Variants in DNAH5 observed in about 807,000 individuals in gnomAD.
The protein encoded by DNAH5 is axonemal beta dynein heavy chain 5.
DNAH5 carries 372 observed loss-of-function variants against 518.2 expected under a neutral mutation model. That is an observed-to-expected ratio of 0.72 (90% confidence interval 0.66 to 0.78). The LOEUF is 0.78. Among genes scored for constraint, DNAH5 ranks in the 30% least tolerant of loss-of-function variants. DNAH5 has a pLI of 0.00. For synonymous variants in DNAH5, 2,039 were observed against 2,025.9 expected, an observed-to-expected ratio of 1.01 and a Z score of -0.17; for missense variants, 5,523 against 5,687.0, an observed-to-expected ratio of 0.97 and a Z score of 0.93.
chr5:13,871,409 G>A (rs879562021), intron 23 of DNAH5, among the ~76,000 whole-genome samples, 155 bp downstream of exon 23: 10 of 151,908 alleles, frequency 6.6e-5, no homozygotes, highest in Non-Finnish European at 1.5e-4. Context: ...TTATGCAGAA[G>A]AAAATTTTTT....
intron 52 of DNAH5, among the ~76,000 whole-genome samples, chr5:13,783,014 T>G (rs148592214): frequency 9.1e-4 from 139 of 152,298 alleles, no homozygotes; most frequent in Middle Eastern, 3.4e-3. Context: ...TGGTGAGCAC[T>G]GGCACAGAGA....
chr5:13,736,347 T>A (rs1472987035), intron 66 of DNAH5, among the ~76,000 whole-genome samples: 1 of 152,094 alleles, frequency 6.6e-6, no homozygotes, highest in Admixed American at 6.6e-5. Flanking sequence ...AACAAGCCAT[T>A]GCAAAGATGA....
chr5:13,928,702 G>T (rs1475490520), intron 2 of DNAH5, among the ~76,000 whole-genome samples: 1 of 152,188 alleles, frequency 6.6e-6, no homozygotes, highest in East Asian at 1.9e-4. Context: ...AAGTCTACAA[G>T]TCTAACAAAT....
At chr5:13,985,424 T>C (rs1343699076) in intron 1 of DNAH5, among the ~76,000 whole-genome samples, 1 of 97,056 alleles carries the variant, frequency 1.0e-5, no homozygotes, top group Admixed American at 1.5e-4. Context: ...ACTTAAAGTA[T>C]AATAAAATAT....
chr5:13,995,198 C>T (rs1783851665), intron 1 of DNAH5, among the ~76,000 whole-genome samples: 1 of 152,126 alleles, frequency 6.6e-6, no homozygotes, highest in East Asian at 1.9e-4. Context: ...AGAACTAATG[C>T]CCTATTTTCA....
chr5:13,808,495 AG>A (rs1213513264), intron 46 of DNAH5, among the ~76,000 whole-genome samples: 1 of 152,226 alleles, frequency 6.6e-6, no homozygotes, highest in African/African-American at 2.4e-5. Flanking sequence ...TTTGGGGAAA[AG>A]CAAGTCAAAA....
At chr5:13,716,941 T>TACAA in intron 73 of DNAH5, among the ~76,000 whole-genome samples, 2 of 152,256 alleles carry the variant, frequency 1.3e-5, no homozygotes, top group East Asian at 3.9e-4. Flanking sequence ...AAATAGAAAA[T>TACAA]AGTGTTTGCT....
chr5:13,738,698 G>T (rs1052290484), intron 65 of DNAH5, among the ~76,000 whole-genome samples: 6 of 152,104 alleles, frequency 3.9e-5, no homozygotes, highest in African/African-American at 7.2e-5. Context: ...GTGACACCAA[G>T]CAAGCCACAG....
At chr5:13,732,056 G>C (rs1256495507) in intron 68 of DNAH5, among the ~76,000 whole-genome samples, 1 of 150,398 alleles carries the variant, frequency 6.6e-6, no homozygotes, top group Admixed American at 6.7e-5. Flanking sequence ...GGAGTTTGAG[G>C]TTACAGTGAG....
In DNAH5 at chr5:13,900,190, A is replaced by C. The variant is rs771409016; in HGVS notation, c.2259+16T>G. 3.1e-6 allele frequency: 5 copies of C among 1,603,360 alleles called. No homozygotes were observed. Among genetic ancestry groups the C allele is most frequent in the Non-Finnish European group, 4.3e-6 (5 of 1,170,350 alleles). On this transcript the variant is annotated intron_variant, in intron 15 of 78. Transcript: ENST00000265104. Reference sequence around the variant, plus strand: ...GAGCTAGCCAAGAATGGGGGGAAAAAATAAAAGTAGTATACCTTCATGTTA... The same window carrying C: ...GAGCTAGCCAAGAATGGGGGGAAAACATAAAAGTAGTATACCTTCATGTTA...
In DNAH5 at chr5:13,834,848, C is replaced by T. The variant is rs144458518; in HGVS notation, c.5883-4073G>A. On this transcript the variant is annotated intron_variant, in intron 35 of 78. Coordinates refer to ENST00000265104, the MANE Select transcript of DNAH5 (RefSeq NM_001369.3). ...CAGGCCTCACAGGCCCACGTGAGGACGTTGGCTTTTACTTTGCATGAGAAG... is the reference window on the plus strand; with the variant it reads ...CAGGCCTCACAGGCCCACGTGAGGATGTTGGCTTTTACTTTGCATGAGAAG... Among the ~76,000 whole-genome samples the T allele has an allele frequency of 4.6e-3, 698 of 152,284 alleles. 8 individuals are homozygous for T. The highest frequency in any genetic ancestry group is 0.024 in the Admixed American group (365 of 15,304).
chr5:13,781,010 A>AT (rs1755040660), intron 52 of DNAH5, 51 bp from the exon 53 acceptor site: 6 of 1,594,482 alleles, frequency 3.8e-6, no homozygotes, highest in Non-Finnish European at 5.1e-6. Context: ...TAAATGTTCT[A>AT]TTTTTCCTAT....
At chr5:13,965,838 G>T (rs1781487938) in intron 1 of DNAH5, among the ~76,000 whole-genome samples, 1 of 152,092 alleles carries the variant, frequency 6.6e-6, no homozygotes, top group South Asian at 2.1e-4. Context: ...TTGGAGAACA[G>T]GTGGTTCCAT....
Position 14,003,873 on chromosome 5 carries a change from T to C in DNAH5, c.12+7775A>G, listed in dbSNP as rs974140446. Among the ~76,000 whole-genome samples, 74 of 151,946 alleles carry C rather than the reference T, an allele frequency of 4.9e-4. 2 individuals carry two copies. The highest frequency in any genetic ancestry group is 1.5e-4 in the Non-Finnish European group (10 of 68,026). Reference sequence around the variant, plus strand: ...TGTGAAGACACCACATGGAGCTGTCTGAGATTACACAAAGAGAGAGAGGTG... The same window carrying C: ...TGTGAAGACACCACATGGAGCTGTCCGAGATTACACAAAGAGAGAGAGGTG... On this transcript the variant is annotated intron_variant, in intron 1 of 78. Transcript: ENST00000681290.
chr5:13,754,701 G>A lies in DNAH5; in HGVS notation c.10420-363C>T, dbSNP rs377495497. Among the ~76,000 whole-genome samples the A allele has an allele frequency of 1.1e-3, 170 of 151,816 alleles. 1 individual carries two copies. The highest frequency in any genetic ancestry group is 2.8e-3 in the African/African-American group (117 of 41,448). ...TTACAAGCATACGCCACCACACCCC[G>A]CTAATTTTGTATTTTTAGTAGAGAT... On this transcript the variant is annotated intron_variant, in intron 61 of 78. Coordinates refer to ENST00000265104, the MANE Select transcript of DNAH5 (RefSeq NM_001369.3).
intron 1 of DNAH5, among the ~76,000 whole-genome samples, chr5:13,981,203 C>T (rs1782650406): frequency 1.3e-5 from 2 of 152,124 alleles, no homozygotes; most frequent in Admixed American, 1.3e-4. Flanking sequence ...CCAGAATAGC[C>T]CCTGGTTCAT....
chr5:13,716,525 T>C lies in DNAH5; in HGVS notation c.12871A>G (p.Lys4291Glu). ...FSFYQGYNIPKCSTVDNYLQY... is the reference protein window; with the variant it reads ...FSFYQGYNIPECSTVDNYLQY... ...AGATAGTTATCCACTGTGCTGCATT[T>C]TGGAATATTGTATCCTTGGTAAAAA... Residue 4291 changes from lysine to glutamate, a missense_variant, in exon 74 of 79, where the codon AAA becomes GAA. By Grantham distance (56) the Lys-to-Glu change is moderately conservative. Transcript: ENST00000265104. 1 of 1,613,950 alleles carries C rather than the reference T, an allele frequency of 6.2e-7. No homozygotes were observed. Among genetic ancestry groups the C allele is most frequent in the Non-Finnish European group, 8.5e-7 (1 of 1,179,874 alleles).
At chr5:13,844,517 C>T (rs572772114) in intron 32 of DNAH5, among the ~76,000 whole-genome samples, 118 of 152,270 alleles carry the variant, frequency 7.7e-4, no homozygotes, top group African/African-American at 2.4e-3. Flanking sequence ...TTAGTTAAGA[C>T]GCTATTTTAT....
Position 13,691,400 on chromosome 5 carries a change from G to A in DNAH5, c.*584C>T, listed in dbSNP as rs1740678844. ...ATTAGTATTTCATTATTAATTATAA[G>A]TAGGCTTAAGCATTGTTCTACGTTT... On this transcript the variant is annotated 3_prime_UTR_variant, in exon 79 of 79. Transcript: ENST00000265104. The A allele has an allele frequency of 5.3e-5, 8 of 152,136 alleles. No individual in the cohort carries two copies. Among genetic ancestry groups the A allele is most frequent in the Admixed American group, 5.2e-4 (8 of 15,274 alleles). 9.4% of individuals were successfully genotyped at this position (152,136 alleles called of 1,614,324 possible). A position where few individuals can be genotyped will look rare whatever the true frequency, so the allele number is the denominator to read the frequency against.
Sources: gnomAD v4.1 joint callset for allele counts (sites outside exome capture counted in the v4.1 genomes callset) on GRCh38, gnomAD v4.1.1 for gene constraint, MANE v1.5 for transcripts, NCBI Gene and HGNC (gene_info 2026-07-23, HGNC 2026-07-21) for gene names.